METTL15: variants seen among roughly 807,000 people sequenced by gnomAD.
METTL15 encodes methyltransferase 15, mitochondrial 12S rRNA N4-cytidine.
Under a neutral mutation model 38.3 loss-of-function variants are expected in METTL15, and 34 were observed. The observed-to-expected ratio is 0.89, with a 90% CI of 0.68 to 1.18. The LOEUF (loss-of-function observed/expected upper bound fraction) is 1.18, where lower values mean the gene tolerates loss of function less well. METTL15 is among the 50% of genes most tolerant of loss of function. The pLI, the probability that METTL15 is intolerant of heterozygous loss-of-function variation, is 0.00. For missense variants in METTL15, 438 were observed against 498.4 expected (o/e 0.88, Z 1.15); for synonymous variants, 162 against 170.9 (o/e 0.95, Z 0.41).
intron 5 of METTL15, among the ~76,000 whole-genome samples, chr11:28,390,761 T>C (rs1409893829): frequency 1.3e-5 from 2 of 152,174 alleles, no homozygotes; most frequent in African/African-American, 4.8e-5. Context: ...TCCAATTGTG[T>C]GAAGAAAGGC....
intron 5 of METTL15, among the ~76,000 whole-genome samples, chr11:28,380,671 C>G (rs11030307): frequency 0.42 from 64,293 of 151,788 alleles, 15,010 homozygotes; most frequent in Admixed American, 0.54. Flanking sequence ...TAATTGTGAT[C>G]AGGCTTATTA....
At chr11:28,249,093 G>A (rs1006487068) in intron 4 of METTL15, among the ~76,000 whole-genome samples, 1 of 151,864 alleles carries the variant, frequency 6.6e-6, no homozygotes, top group Admixed American at 6.6e-5. Flanking sequence ...AGATAAGTGA[G>A]ACAATATGAG....
intron 3 of METTL15, among the ~76,000 whole-genome samples, chr11:28,165,532 C>T (rs1850628671): frequency 1.3e-5 from 2 of 151,824 alleles, no homozygotes; most frequent in South Asian, 4.2e-4. Context: ...TACTTGTTTT[C>T]TTGCTATTTA....
intron 5 of METTL15, among the ~76,000 whole-genome samples, chr11:28,388,023 C>T (rs1030008143): frequency 7.0e-6 from 1 of 143,772 alleles, no homozygotes. Flanking sequence ...AAATACTAAA[C>T]AAACTAGAAA....
At chr11:28,140,907 C>A (rs1008454561) in intron 3 of METTL15, among the ~76,000 whole-genome samples, 2 of 152,306 alleles carry the variant, frequency 1.3e-5, no homozygotes, top group South Asian at 2.1e-4. Context: ...GTTCCCTTAT[C>A]TGGACCAAAC....
rs544225109 is a variant in METTL15, at chr11:28,184,797, G to A, written c.271-26265G>A. Among the ~76,000 whole-genome samples the A allele has an allele frequency of 1.7e-4, 25 of 151,506 alleles. No homozygotes were observed. The East Asian group carries it at 4.9e-3, about 29-fold the overall frequency. The stretch of plus-strand genomic sequence containing the variant: ...GGAAAATGTTAAATAATAAGGACTA[G>A]TTAAAAATGAAAAATAAAGGATATT... On this transcript the variant is annotated intron_variant, in intron 3 of 6. Transcript: ENST00000407364.
intron 6 of METTL15, among the ~76,000 whole-genome samples, chr11:28,477,857 A>G (rs943703135): frequency 2.6e-5 from 4 of 151,890 alleles, no homozygotes; most frequent in African/African-American, 9.7e-5. Flanking sequence ...ATTTTTCTGT[A>G]TGGTATTTTT....
intron 6 of METTL15, among the ~76,000 whole-genome samples, chr11:28,497,981 G>C (rs1851549793): frequency 1.3e-5 from 2 of 151,728 alleles, no homozygotes. Flanking sequence ...TTGAACCTGG[G>C]AGGCGGAGGT....
At chr11:28,426,459 C>T (rs1036673681) in intron 6 of METTL15, among the ~76,000 whole-genome samples, 3 of 152,022 alleles carry the variant, frequency 2.0e-5, no homozygotes, top group African/African-American at 4.8e-5. Context: ...ATTGCTGGGT[C>T]GAATGGTATT....
chr11:28,334,468 TAGAC>T (rs1204256120), downstream of METTL15, among the ~76,000 whole-genome samples: 3 of 152,096 alleles, frequency 2.0e-5, no homozygotes, highest in Non-Finnish European at 2.9e-5. Flanking sequence ...CATTCTATAA[TAGAC>T]AGGGATAAGC....
chr11:28,213,538 A>C (rs924305828), intron 4 of METTL15, among the ~76,000 whole-genome samples: 2 of 151,654 alleles, frequency 1.3e-5, no homozygotes, highest in African/African-American at 4.8e-5. Flanking sequence ...AATAGTTACA[A>C]AATTTGAATG....
chr11:28,376,588 C>A (rs1210732302), intron 5 of METTL15, among the ~76,000 whole-genome samples: 1 of 151,680 alleles, frequency 6.6e-6, no homozygotes, highest in Non-Finnish European at 1.5e-5. Flanking sequence ...TTCCTGAATG[C>A]GGCATGGGTC....
intron 3 of METTL15, among the ~76,000 whole-genome samples, chr11:28,122,371 G>GTGTATA (rs1437112554): frequency 2.6e-4 from 20 of 77,690 alleles, no homozygotes; most frequent in Non-Finnish European, 3.9e-4. Flanking sequence ...GTGTGTGTGT[G>GTGTATA]TATATATATA....
At chr11:28,163,771 T>C (rs1206281855) in intron 3 of METTL15, 3 of 228,960 alleles carry the variant, frequency 1.3e-5, no homozygotes, top group Non-Finnish European at 2.5e-5. Flanking sequence ...GTCCTTTTTT[T>C]CTGTAGCCTG....
chr11:28,333,898 TTTC>T (rs1433528161), downstream of METTL15, among the ~76,000 whole-genome samples: 1 of 151,874 alleles, frequency 6.6e-6, no homozygotes, highest in Non-Finnish European at 1.5e-5. Flanking sequence ...AAAATCATAT[TTTC>T]TTAAGTCTTT....
At chr11:28,246,666 AG>A (rs904549458) in intron 4 of METTL15, among the ~76,000 whole-genome samples, 1 of 152,168 alleles carries the variant, frequency 6.6e-6, no homozygotes, top group Non-Finnish European at 1.5e-5. Flanking sequence ...CATGACAACA[AG>A]GGAAAACTGT....
At chr11:28,187,351 A>G (rs1851534841) in intron 3 of METTL15, among the ~76,000 whole-genome samples, 1 of 151,182 alleles carries the variant, frequency 6.6e-6, no homozygotes, top group East Asian at 1.9e-4. Flanking sequence ...GCTTAAATTC[A>G]ATAGTAAGAT....
intron 6 of METTL15, among the ~76,000 whole-genome samples, chr11:28,513,345 C>T (rs528718634): frequency 6.6e-6 from 1 of 152,304 alleles, no homozygotes; most frequent in South Asian, 2.1e-4. Context: ...TGCTGTACCA[C>T]TTACCGGCTG....
Position 28,170,986 on chromosome 11 carries a change from C to A in METTL15, c.271-40076C>A, listed in dbSNP as rs570343726. On this transcript the variant is annotated intron_variant, in intron 3 of 6. Coordinates refer to ENST00000407364, the MANE Select transcript of METTL15 (RefSeq NM_001113528.2). ...TCGAACACCTCTGAGAAAACTAATC[C>A]TTATGCAGAATTCCAACCATTACTG... Among the ~76,000 whole-genome samples the A allele has an allele frequency of 1.1e-4, 17 of 152,240 alleles. 1 individual carries two copies. The highest frequency in any genetic ancestry group is 3.8e-4 in the African/African-American group (16 of 41,564).
Sources: allele counts gnomAD v4.1 joint callset (sites outside exome capture counted in the v4.1 genomes callset), GRCh38; gene constraint gnomAD v4.1.1; transcripts MANE v1.5; gene names NCBI Gene and HGNC (gene_info 2026-07-23, HGNC 2026-07-21).